The following RELN variants were observed in gnomAD, a reference collection of about 807,000 sequenced individuals.
The protein encoded by RELN is reelin.
Under a neutral mutation model 427.6 loss-of-function variants are expected in RELN, and 108 were observed. The ratio of observed to expected loss-of-function variants is 0.25; its 90% CI spans 0.22 to 0.30. The LOEUF (loss-of-function observed/expected upper bound fraction) is 0.30. Ranked by LOEUF, RELN falls within the 10% of genes least tolerant of loss-of-function variation. RELN has a pLI of 1.00. For missense variants in RELN, 3,715 were observed against 4,302.8 expected (o/e 0.86, Z 3.82); for synonymous variants, 1,524 against 1,513.4 (o/e 1.01, Z -0.16).
rs534336272 is a variant in RELN, at chr7:103,557,018, G to T, written c.5756C>A (p.Thr1919Asn). 2.5e-6 allele frequency: 4 copies of T among 1,613,712 alleles called. No homozygotes were observed. The highest frequency in any genetic ancestry group is 3.4e-6 in the Non-Finnish European group (4 of 1,179,708). ...INVPLPYTAQ[T>N]NATRFRLWQP... ...CCAGAGTCTGAATCTTGTAGCATTGGTTTGGGCAGTGTATGGCAAGGGAAC... is the reference window on the plus strand; with the variant it reads ...CCAGAGTCTGAATCTTGTAGCATTGTTTTGGGCAGTGTATGGCAAGGGAAC... The change falls in exon 38 of 65, where the codon ACC becomes AAC. Residue 1919 changes from threonine (T) to asparagine (N), a missense_variant. By Grantham distance (65) the Thr-to-Asn change is moderately conservative. This residue lies in a region of RELN where 2,208 missense variants were observed against 2,361.7 expected (regional missense o/e 0.93). Coordinates refer to ENST00000428762, the MANE Select transcript of RELN (RefSeq NM_005045.4).
intron 2 of RELN, among the ~76,000 whole-genome samples, chr7:103,900,264 G>A (rs971620378): frequency 6.6e-6 from 1 of 152,112 alleles, no homozygotes; most frequent in Non-Finnish European, 1.5e-5. Context: ...TCTTCAGGGA[G>A]AAATACAAAC....
intron 2 of RELN, among the ~76,000 whole-genome samples, chr7:103,857,758 A>G (rs1793980268): frequency 6.6e-6 from 1 of 152,224 alleles, no homozygotes; most frequent in Non-Finnish European, 1.5e-5. Flanking sequence ...AACACCACCA[A>G]TCAGGCAAAT....
At chr7:103,897,097 C>T (rs1260648751) in intron 2 of RELN, among the ~76,000 whole-genome samples, 1 of 152,038 alleles carries the variant, frequency 6.6e-6, no homozygotes, top group Non-Finnish European at 1.5e-5. Flanking sequence ...ATCACAAGAA[C>T]AGCATAGAAA....
At chr7:103,718,024 A>C (rs645260) in intron 8 of RELN, among the ~76,000 whole-genome samples, 52,747 of 152,064 alleles carry the variant, frequency 0.35, 10,349 homozygotes, top group African/African-American at 0.54. Context: ...TACCTTTTAC[A>C]AGTGACATTT....
chr7:103,889,538 T>C (rs1415924457), intron 2 of RELN, among the ~76,000 whole-genome samples: 3 of 152,210 alleles, frequency 2.0e-5, no homozygotes, highest in African/African-American at 4.8e-5. Flanking sequence ...GAAATCTTTT[T>C]ACTTTTCAGT....
intron 1 of RELN, among the ~76,000 whole-genome samples, chr7:103,944,391 C>T (rs190957924): frequency 2.0e-5 from 3 of 152,076 alleles, no homozygotes; most frequent in African/African-American, 7.2e-5. Context: ...ATACTGCCTT[C>T]GGTCCTTTGC....
chr7:103,686,799 T>C (rs1833773912), intron 10 of RELN, among the ~76,000 whole-genome samples: 3 of 152,192 alleles, frequency 2.0e-5, no homozygotes, highest in Admixed American at 2.0e-4. Flanking sequence ...AGGTATAGAC[T>C]TTCATGCTAT....
rs558024670 is a variant in RELN, at chr7:103,661,486, G to T, written c.1331C>A (p.Thr444Lys). The part of the protein sequence containing the change: ...LGAVIGTECG[T>K]IESGLSMVFL... ...GACCATTGATAAGCCTGATTCTATC[G>T]TTCCACATTCTGTACCAATGACAGC... Residue 444 changes from threonine to lysine, a missense_variant, in exon 12 of 65, where the codon ACG (threonine) becomes AAG (lysine). Physicochemically the swap from Thr to Lys is moderately conservative, Grantham distance 78. Coordinates refer to ENST00000428762, the MANE Select transcript of RELN (RefSeq NM_005045.4). 5 of 1,613,200 alleles carry T rather than the reference G, an allele frequency of 3.1e-6. No individual in the cohort carries two copies. In the African/African-American group the frequency reaches 5.4e-5, roughly 17 times the overall value.
chr7:103,855,417 G>C (rs1410939994), intron 2 of RELN, among the ~76,000 whole-genome samples: 1 of 152,210 alleles, frequency 6.6e-6, no homozygotes. Flanking sequence ...GTGTAAGAAA[G>C]TAAAATAGTA....
intron 2 of RELN, among the ~76,000 whole-genome samples, chr7:103,897,806 A>C (rs1563077452): frequency 6.6e-6 from 1 of 152,018 alleles, no homozygotes; most frequent in Non-Finnish European, 1.5e-5. Context: ...TGAAACTCCA[A>C]TCCGTGGATC....
intron 57 of RELN, among the ~76,000 whole-genome samples, chr7:103,492,738 G>T (rs1347268764): frequency 6.6e-6 from 1 of 152,114 alleles, no homozygotes; most frequent in Non-Finnish European, 1.5e-5. Context: ...ATAATGCTGT[G>T]GTGCTTCAAA....
At chr7:103,909,922 A>G (rs1399770016) in intron 2 of RELN, among the ~76,000 whole-genome samples, 2 of 143,722 alleles carry the variant, frequency 1.4e-5, no homozygotes, top group African/African-American at 5.2e-5. Context: ...TCTGATAATT[A>G]AGTTAAAAAT....
rs1381220339 is a variant in RELN at position 103,575,629 on chromosome 7, T to C, written c.4222A>G (p.Ile1408Val). ...VPPFGLDGVY[I>V]SEPCPSYCSG... ...CAGTAACTGGGACAAGGCTCGGATA[T>C]GTACACTCCATCTAAACCAAATGGA... Residue 1408 changes from isoleucine to valine, a missense_variant, in exon 29 of 65, where the codon ATA becomes GTA. Transcript: ENST00000428762. 1.2e-6 allele frequency: 2 copies of C among 1,614,022 alleles called. No homozygotes were observed. Among genetic ancestry groups the C allele is most frequent in the Admixed American group, 1.7e-5 (1 of 60,010 alleles).
At chr7:103,865,132 C>CAAAAAAAAA (rs386410871) in intron 2 of RELN, among the ~76,000 whole-genome samples, 57 of 67,096 alleles carry the variant, frequency 8.5e-4, no homozygotes, top group Non-Finnish European at 1.0e-3. Flanking sequence ...GAAACTGTCT[C>CAAAAAAAAA]AAAAAAAAAA....
At chr7:103,795,333 CTTAGG>C (rs900714146) in intron 3 of RELN, among the ~76,000 whole-genome samples, 17 of 152,186 alleles carry the variant, frequency 1.1e-4, no homozygotes, top group Non-Finnish European at 1.5e-5. Flanking sequence ...TAACACAGCC[CTTAGG>C]CTTGGGCAAG....
intron 1 of RELN, among the ~76,000 whole-genome samples, chr7:103,922,929 T>G (rs1430777951): frequency 6.6e-6 from 1 of 151,980 alleles, no homozygotes; most frequent in Non-Finnish European, 1.5e-5. Flanking sequence ...ATGTTCCCAT[T>G]TTTTTTTCAG....
intron 20 of RELN, among the ~76,000 whole-genome samples, chr7:103,619,506 CT>C (rs1265717127): frequency 1.3e-5 from 2 of 152,210 alleles, no homozygotes; most frequent in Non-Finnish European, 2.9e-5. Context: ...ATTCCAAAAA[CT>C]TTAACAAATA....
intron 25 of RELN, among the ~76,000 whole-genome samples, chr7:103,595,798 C>T (rs901926938): frequency 4.6e-5 from 7 of 151,812 alleles, no homozygotes; most frequent in Admixed American, 1.3e-4. Flanking sequence ...AATATAAATA[C>T]AGAATTTCAA....
chr7:103,709,387 A>G (rs7791517), intron 8 of RELN, among the ~76,000 whole-genome samples: 2,218 of 152,330 alleles, frequency 0.015, 63 homozygotes, highest in African/African-American at 0.05. Flanking sequence ...TTGGTTAAAG[A>G]TATGGCGACT....
Sources: gnomAD v4.1 joint callset for allele counts (sites outside exome capture counted in the v4.1 genomes callset) on GRCh38, gnomAD v4.1.1 for gene constraint, gnomAD v4.1.1 regional missense constraint, MANE v1.5 for transcripts, NCBI Gene and HGNC (gene_info 2026-07-23, HGNC 2026-07-21) for gene names.